PDE4B: variants seen among roughly 807,000 people sequenced by gnomAD.
The protein encoded by PDE4B is 3',5'-cyclic-AMP phosphodiesterase 4B.
A neutral mutation model predicts 82.2 loss-of-function variants in PDE4B; 20 were observed. That is an observed-to-expected ratio of 0.24 (90% CI 0.17 to 0.35). The LOEUF (loss-of-function observed/expected upper bound fraction) is 0.35, where lower values mean the gene tolerates loss of function less well. Among genes scored for constraint, PDE4B ranks in the 10% least tolerant of loss-of-function variants. PDE4B has a pLI of 1.00. For missense variants in PDE4B, 655 were observed against 907.2 expected, an observed-to-expected ratio of 0.72 and a Z score of 3.57; for synonymous variants, 320 against 318.9, an observed-to-expected ratio of 1.00 and a Z score of -0.04.
chr1:66,091,568 C>A (rs1236067514), intron 3 of PDE4B, among the ~76,000 whole-genome samples: 1 of 151,932 alleles, frequency 6.6e-6, no homozygotes, highest in African/African-American at 2.4e-5. Context: ...AATCAGGATC[C>A]TTTTTCCATC....
intron 1 of PDE4B, among the ~76,000 whole-genome samples, chr1:65,860,582 A>G (rs972494181): frequency 6.6e-6 from 1 of 152,228 alleles, no homozygotes. Context: ...TTGCTGGGTC[A>G]AATGGTATTT....
chr1:66,031,602 C>T (rs1289953514), intron 3 of PDE4B, among the ~76,000 whole-genome samples: 3 of 152,062 alleles, frequency 2.0e-5, no homozygotes, highest in South Asian at 4.2e-4. Flanking sequence ...AATTATTGAT[C>T]AGCTGTCTCT....
chr1:65,962,998 G>T (rs1323549277), intron 3 of PDE4B, among the ~76,000 whole-genome samples: 4 of 152,134 alleles, frequency 2.6e-5, no homozygotes, highest in Non-Finnish European at 5.9e-5. Flanking sequence ...GAATTTGATT[G>T]GTAGTGTTTG....
chr1:66,071,610 T>C (rs1191887158), intron 3 of PDE4B, among the ~76,000 whole-genome samples: 4 of 152,144 alleles, frequency 2.6e-5, no homozygotes, highest in South Asian at 2.1e-4. Flanking sequence ...AATTACCTTT[T>C]TTGAGAATTA....
At chr1:66,017,837 A>AT (rs1050773978) in intron 3 of PDE4B, among the ~76,000 whole-genome samples, 29 of 151,118 alleles carry the variant, frequency 1.9e-4, no homozygotes, top group South Asian at 1.5e-3. Context: ...ATTTTTAAAA[A>AT]ATATATATAT....
chr1:65,817,164 G>A (rs1317542797), intron 1 of PDE4B, among the ~76,000 whole-genome samples: 1 of 152,192 alleles, frequency 6.6e-6, no homozygotes, highest in Non-Finnish European at 1.5e-5. Context: ...ATAATCATAA[G>A]AGGGTGACAA....
In PDE4B at chr1:66,106,616, G is replaced by C. The variant is rs375371202; in HGVS notation, c.282-140844G>C. Reference sequence around the variant, plus strand: ...TATTGATTATTGCCACAATTTCAGAGCCTGTTATTGGTGTATTCAGAGATT... The same window carrying C: ...TATTGATTATTGCCACAATTTCAGACCCTGTTATTGGTGTATTCAGAGATT... On this transcript the variant is annotated intron_variant, in intron 3 of 16. Coordinates refer to ENST00000341517, the MANE Select transcript of PDE4B (RefSeq NM_002600.4). Among the ~76,000 whole-genome samples, 254 of 151,594 alleles carry C rather than the reference G, an allele frequency of 1.7e-3. 1 individual carries two copies. The highest frequency in any genetic ancestry group is 0.01 in the Middle Eastern group (3 of 294).
chr1:66,148,139 G>A (rs886896883), intron 3 of PDE4B, among the ~76,000 whole-genome samples: 3 of 152,078 alleles, frequency 2.0e-5, no homozygotes, highest in African/African-American at 7.2e-5. Flanking sequence ...GCTTGGTGGT[G>A]AGTACCTGTA....
At chr1:65,833,079 A>G (rs1256553285) in intron 1 of PDE4B, among the ~76,000 whole-genome samples, 1 of 152,210 alleles carries the variant, frequency 6.6e-6, no homozygotes, top group Non-Finnish European at 1.5e-5. Context: ...TGATTGCTGT[A>G]TTAAACCATT....
At chr1:66,199,470 T>C (rs1282361654) in intron 3 of PDE4B, among the ~76,000 whole-genome samples, 2 of 152,170 alleles carry the variant, frequency 1.3e-5, no homozygotes, top group African/African-American at 4.8e-5. Flanking sequence ...GTTTGTTTGT[T>C]TTTTTCTTGT....
intron 3 of PDE4B, among the ~76,000 whole-genome samples, chr1:66,073,103 A>G (rs1165000987): frequency 6.6e-6 from 1 of 151,228 alleles, no homozygotes; most frequent in Non-Finnish European, 1.5e-5. Context: ...CTGGGGTTTG[A>G]TGGCCAGGCC....
intron 1 of PDE4B, among the ~76,000 whole-genome samples, chr1:65,800,745 A>C (rs982963565): frequency 2.6e-5 from 4 of 152,234 alleles, no homozygotes; most frequent in African/African-American, 9.6e-5. Flanking sequence ...GTAGTATAAT[A>C]TCTTGATATG....
chr1:65,969,103 G>A (rs115085775), intron 3 of PDE4B, among the ~76,000 whole-genome samples: 532 of 152,222 alleles, frequency 3.5e-3, no homozygotes, highest in Non-Finnish European at 5.4e-3. Flanking sequence ...TGGCTATGAT[G>A]CTATAACAAA....
In PDE4B at chr1:65,895,549, C is replaced by CAAAAA. The variant is rs10605148; in HGVS notation, c.-70-17678_-70-17674dup. Among the ~76,000 whole-genome samples the CAAAAA allele has an allele frequency of 1.1e-4, 10 of 91,966 alleles. 1 individual carries two copies. The highest frequency in any genetic ancestry group is 3.6e-4 in the African/African-American group (8 of 22,022). 60.3% of individuals were successfully genotyped at this position (91,966 alleles called of 152,430 possible). A position where few individuals can be genotyped will look rare whatever the true frequency, so the allele number is the denominator to read the frequency against. ...TGTGTGACAGAGTGAGACACTGTCT[C>CAAAAA]AAAAAAAAAAAAAAAAAAAAAAGAC... On this transcript the variant is annotated intron_variant, in intron 1 of 16. Transcript: ENST00000341517.
intron 3 of PDE4B, among the ~76,000 whole-genome samples, chr1:66,136,208 T>G (rs1231933512): frequency 1.3e-5 from 2 of 152,206 alleles, no homozygotes; most frequent in African/African-American, 4.8e-5. Context: ...CTTTCTACTT[T>G]AAGTTCTGCT....
chr1:65,989,943 G>T (rs968133259), intron 3 of PDE4B, among the ~76,000 whole-genome samples: 36 of 124,060 alleles, frequency 2.9e-4, no homozygotes, highest in East Asian at 7.2e-4. Context: ...TCCTCCTCTT[G>T]CCTTAAACAT....
At chr1:65,822,529 G>A (rs1287871609) in intron 1 of PDE4B, among the ~76,000 whole-genome samples, 1 of 152,056 alleles carries the variant, frequency 6.6e-6, no homozygotes, top group Non-Finnish European at 1.5e-5. Flanking sequence ...GAATGTATGT[G>A]TCCCTCCAAA....
At chr1:65,983,943 G>T (rs1650822427) in intron 3 of PDE4B, among the ~76,000 whole-genome samples, 1 of 152,150 alleles carries the variant, frequency 6.6e-6, no homozygotes, top group Admixed American at 6.5e-5. Context: ...AAATATCTTT[G>T]CAGGGCTATA....
intron 3 of PDE4B, among the ~76,000 whole-genome samples, chr1:66,058,678 C>A (rs769879054): frequency 2.8e-4 from 43 of 152,330 alleles, no homozygotes; most frequent in Admixed American, 5.2e-4. Context: ...CTGAGCTGTA[C>A]CTTGGCCCCT....
Sources: gnomAD v4.1 joint callset for allele counts (sites outside exome capture counted in the v4.1 genomes callset) on GRCh38, gnomAD v4.1.1 for gene constraint, MANE v1.5 for transcripts, NCBI Gene and HGNC (gene_info 2026-07-23, HGNC 2026-07-21) for gene names.